RFX1: variants seen among roughly 807,000 people sequenced by gnomAD.
RFX1 encodes the protein regulatory factor X1.
A neutral mutation model predicts 119.6 loss-of-function variants in RFX1; 42 were observed. The ratio of observed to expected loss-of-function variants is 0.35; its 90% CI spans 0.27 to 0.45. The LOEUF (loss-of-function observed/expected upper bound fraction) is 0.45, where lower values mean the gene tolerates loss of function less well. Ranked by LOEUF, RFX1 falls within the 20% of genes least tolerant of loss-of-function variation. The pLI is 1.00. For missense variants in RFX1, 1,118 were observed against 1,368.1 expected, an observed-to-expected ratio of 0.82 and a Z score of 2.88; for synonymous variants, 628 against 618.5, an observed-to-expected ratio of 1.02 and a Z score of -0.23.
Position 13,966,421 on chromosome 19 carries a change from A to G in RFX1, c.1961T>C (p.Val654Ala). ...CCCACAGTCGCCGGGCAGTACTCAC[A>G]CAGCCAGCGGTGGCGCCTCACTGGG... Reference protein sequence around the residue: ...SQPSEAPPLAVHDEAEKRLPK... With the variant: ...SQPSEAPPLAAHDEAEKRLPK... Residue 654 changes from valine (V) to alanine (A), a missense_variant and splice_region_variant, in exon 14 of 21, where the codon GTA becomes GCA. Val to Ala is a moderately conservative substitution (Grantham distance 64). Coordinates refer to ENST00000254325, the MANE Select transcript of RFX1 (RefSeq NM_002918.5). The surrounding 1 kb of genome is among the most constrained non-coding windows in gnomAD (Gnocchi z 6.3). The G allele has an allele frequency of 6.3e-7, 1 of 1,599,062 alleles. No individual in the cohort carries two copies.
rs10423914 is a variant in RFX1 at position 13,971,942 on chromosome 19, G to T, written c.1314+801C>A. On this transcript the variant is annotated intron_variant, in intron 9 of 20. Coordinates refer to ENST00000254325, the MANE Select transcript of RFX1 (RefSeq NM_002918.5). ...AATCACTTGAACCCGGGAGGCGGAG[G>T]TCGCAGTGAGCCGAGATCATGCCAC... Among the ~76,000 whole-genome samples the T allele has an allele frequency of 2.7e-3, 414 of 152,218 alleles. 2 individuals carry two copies. The highest frequency in any genetic ancestry group is 9.3e-3 in the African/African-American group (388 of 41,538).
chr19:13,983,272 T>C lies in RFX1; in HGVS notation c.430-2A>G. On this transcript the variant is annotated splice_acceptor_variant, in intron 3 of 20. Coordinates refer to ENST00000254325, the MANE Select transcript of RFX1 (RefSeq NM_002918.5). LOFTEE classifies it high-confidence loss of function. Reference sequence around the variant, plus strand: ...CACGCTCGTCTGGACCAGCAGCCGCTGTGGAGACAAGGCAGGAGGAGCTGA... The same window carrying C: ...CACGCTCGTCTGGACCAGCAGCCGCCGTGGAGACAAGGCAGGAGGAGCTGA... The C allele has an allele frequency of 6.4e-7, 1 of 1,552,050 alleles. No individual in the cohort carries two copies. Among genetic ancestry groups the C allele is most frequent in the Non-Finnish European group, 8.7e-7 (1 of 1,153,436 alleles).
chr19:13,962,732 G>C lies in RFX1; in HGVS notation c.2903C>G (p.Ala968Gly), dbSNP rs1024720869. 2 of 1,530,420 alleles carry C rather than the reference G, an allele frequency of 1.3e-6. No individual in the cohort carries two copies. Among genetic ancestry groups the C allele is most frequent in the African/African-American group, 1.4e-5 (1 of 72,714 alleles). The allele number at this position is 1,530,420 out of a possible 1,614,324, so 94.8% of individuals were successfully genotyped here. A position where few individuals can be genotyped will look rare whatever the true frequency, so the allele number is the denominator to read the frequency against. ...EPPAKLARTD[A>G]RGLFVQALPS... is the part of the protein sequence containing the mutation. ...CAGCGCCTGCACGAAGAGGCCGCGC[G>C]CGTCAGTCCGCGCCAGCTTGGCCGG... The change falls in exon 21 of 21, where the codon GCG becomes GGG. Residue 968 changes from alanine to glycine, a missense_variant. Physicochemically the swap from Ala to Gly is moderately conservative, Grantham distance 60. Around this residue, in one of 5 missense-constraint regions of RFX1, gnomAD observed 138 missense variants for 117.8 expected, o/e 1.17. Coordinates refer to ENST00000254325, the MANE Select transcript of RFX1 (RefSeq NM_002918.5).
intron 18 of RFX1, 85 bp downstream of exon 18, chr19:13,963,453 G>A: frequency 8.9e-6 from 13 of 1,458,252 alleles, no homozygotes; most frequent in Non-Finnish European, 1.2e-5. Context: ...TGCAGGCTCG[G>A]GTCGTCGTAG....
In RFX1 at chr19:13,970,011, G is replaced by T. The variant is rs1170431593; in HGVS notation, c.1479C>A (p.Thr493=). 3 of 1,611,990 alleles carry T rather than the reference G, an allele frequency of 1.9e-6. No homozygotes were observed. Among genetic ancestry groups the T allele is most frequent in the Non-Finnish European group, 2.5e-6 (3 of 1,178,850 alleles). The part of the protein sequence containing the change: ...LIRSVFMGLR[T]RRLGTRGNSK... Reference sequence around the variant, plus strand: ...GGCCCTACCTGGTGCCCAGACGGCGGGTTCGCAGGCCCATGAAGACGGAGC... The same window carrying T: ...GGCCCTACCTGGTGCCCAGACGGCGTGTTCGCAGGCCCATGAAGACGGAGC... Residue 493 remains threonine, a synonymous_variant, in exon 10 of 21, where the codon ACC becomes ACA. Coordinates refer to ENST00000254325, the MANE Select transcript of RFX1 (RefSeq NM_002918.5).
At chr19:13,977,589 G>A (rs768344670) in intron 8 of RFX1, among the ~76,000 whole-genome samples, 1 of 151,924 alleles carries the variant, frequency 6.6e-6, no homozygotes, top group Non-Finnish European at 1.5e-5. Context: ...GCTAACTTTT[G>A]TATTTTTAGT....
Position 13,961,715 on chromosome 19 carries a change from T to G in RFX1, c.*980A>C, listed in dbSNP as rs1474833499. 6.6e-6 allele frequency: 1 copy of G among 152,358 alleles called. No individual in the cohort carries two copies. The highest frequency in any genetic ancestry group is 1.5e-5 in the Non-Finnish European group (1 of 68,080). The allele number at this position is 152,358 out of a possible 1,614,324, so 9.4% of individuals were successfully genotyped here. A position where few individuals can be genotyped will look rare whatever the true frequency, so the allele number is the denominator to read the frequency against. On this transcript the variant is annotated 3_prime_UTR_variant, in exon 21 of 21. Transcript: ENST00000254325. ...CACGCGGAGCACACAAAATAGTGATTTTTATACAATAGGTCAGATTTCCAT... is the reference window on the plus strand; with the variant it reads ...CACGCGGAGCACACAAAATAGTGATGTTTATACAATAGGTCAGATTTCCAT...
At position 13,962,777 on chromosome 19, in the gene RFX1, C is replaced by T. The variant is rs752517709; in HGVS notation, c.2858G>A (p.Gly953Asp). 1.2e-4 allele frequency: 177 copies of T among 1,530,292 alleles called. No homozygotes were observed. The highest frequency in any genetic ancestry group is 1.5e-4 in the Non-Finnish European group (170 of 1,143,526). The allele number at this position is 1,530,292 out of a possible 1,614,324, so 94.8% of individuals were successfully genotyped here. A position where few individuals can be genotyped will look rare whatever the true frequency, so the allele number is the denominator to read the frequency against. Reference sequence around the variant, plus strand: ...GGCCGGCGGCTCCAGGGTCTCCGGGCCCAGCGCGGGTGACTCGCCGCCAGC... The same window carrying T: ...GGCCGGCGGCTCCAGGGTCTCCGGGTCCAGCGCGGGTGACTCGCCGCCAGC... ...LAAGGESPALGPETLEPPAKL... is the reference protein window; with the variant it reads ...LAAGGESPALDPETLEPPAKL... The change falls in exon 21 of 21, where the codon GGC becomes GAC. Residue 953 changes from glycine to aspartate, a missense_variant. Physicochemically the swap from Gly to Asp is moderately conservative, Grantham distance 94. Around this residue, in one of 5 missense-constraint regions of RFX1, gnomAD observed 138 missense variants for 117.8 expected, o/e 1.17. Coordinates refer to ENST00000254325, the MANE Select transcript of RFX1 (RefSeq NM_002918.5).
chr19:14,005,143 G>C (rs532257862), intron 1 of RFX1, among the ~76,000 whole-genome samples: 1 of 152,298 alleles, frequency 6.6e-6, no homozygotes, highest in East Asian at 1.9e-4. Context: ...TCCATCTCCA[G>C]GAACAAACCC....
chr19:14,004,370 T>C (rs1343344494), intron 1 of RFX1, among the ~76,000 whole-genome samples: 3 of 152,132 alleles, frequency 2.0e-5, no homozygotes, highest in Non-Finnish European at 4.4e-5. Flanking sequence ...CAGCCGGGCA[T>C]GATGGCGAGC....
At chr19:13,964,760 C>A (rs915640050) in intron 16 of RFX1, among the ~76,000 whole-genome samples, 11 of 152,218 alleles carry the variant, frequency 7.2e-5, no homozygotes, top group African/African-American at 2.7e-4. Flanking sequence ...GGATTACAGG[C>A]ATGAGCCACT....
chr19:13,963,157 C>T lies in RFX1; in HGVS notation c.2689G>A (p.Ala897Thr). ...ACGGCGATGGGGGTCTCGCCCTTGG[C>T]CTGGGCTACGCGGTGCTCGATCAGG... ...YYLIEHRVAQ[A>T]KGETPIAVMG... The change falls in exon 19 of 21, where the codon GCC becomes ACC. Residue 897 changes from alanine to threonine, a missense_variant. Ala to Thr is a moderately conservative substitution (Grantham distance 58). This residue lies in a region of RFX1 where 138 missense variants were observed against 117.8 expected (regional missense o/e 1.17). Transcript: ENST00000254325. The T allele has an allele frequency of 5.0e-6, 8 of 1,612,468 alleles. No individual in the cohort carries two copies. The highest frequency in any genetic ancestry group is 6.8e-6 in the Non-Finnish European group (8 of 1,179,322).
intron 2 of RFX1, among the ~76,000 whole-genome samples, chr19:13,984,037 C>A (rs1974520133): frequency 6.6e-6 from 1 of 152,126 alleles, no homozygotes; most frequent in African/African-American, 2.4e-5. Context: ...GGAGTGGAAG[C>A]TGCTCGGAGG....
Position 13,962,071 on chromosome 19 carries a change from C to G in RFX1, c.*624G>C, listed in dbSNP as rs1240190772. ...TGGAGGCCGTGCCCCCTGCCGCCCT[C>G]CTCACAGCCGGGCCGGGCAGTGCCC... On this transcript the variant is annotated 3_prime_UTR_variant, in exon 21 of 21. Transcript: ENST00000254325. The G allele has an allele frequency of 1.3e-5, 2 of 152,342 alleles. No individual in the cohort carries two copies. Among genetic ancestry groups the G allele is most frequent in the Non-Finnish European group, 2.9e-5 (2 of 68,126 alleles). 9.4% of individuals were successfully genotyped at this position (152,342 alleles called of 1,614,324 possible).
chr19:13,961,750 C>A lies in RFX1; in HGVS notation c.*945G>T, dbSNP rs1394509916. The A allele has an allele frequency of 6.6e-6, 1 of 151,864 alleles. No homozygotes were observed. Among genetic ancestry groups the A allele is most frequent in the Non-Finnish European group, 1.5e-5 (1 of 67,914 alleles). The allele number at this position is 151,864 out of a possible 1,614,324, so 9.4% of individuals were successfully genotyped here. ...TAGGTCAGATTTCCATTTTTTTTTC[C>A]TTTTTCTTGCCATAAACATCTATCT... On this transcript the variant is annotated 3_prime_UTR_variant, in exon 21 of 21. Coordinates refer to ENST00000254325, the MANE Select transcript of RFX1 (RefSeq NM_002918.5).
In RFX1 at chr19:13,963,566, G is replaced by C. The variant is rs1973791035; in HGVS notation, c.2542C>G (p.Leu848Val). The C allele has an allele frequency of 1.2e-6, 2 of 1,604,844 alleles. No homozygotes were observed. Among genetic ancestry groups the C allele is most frequent in the Non-Finnish European group, 1.7e-6 (2 of 1,179,356 alleles). ...TAGAAGGACCACTTGAGGAGGAAGA[G>C]CTTGGCGGCCTTGGGGAAGCCGGCG... ...GSAGFPKAAK[L>V]FLLKWSFYSS... Residue 848 changes from leucine (L) to valine (V), a missense_variant, in exon 18 of 21, where the codon CTC becomes GTC. This residue lies in a region of RFX1 where 32 missense variants were observed against 71.5 expected (regional missense o/e 0.45). Transcript: ENST00000254325.
In RFX1 at chr19:13,968,523, G is replaced by A; in HGVS notation, c.1732+42C>T. The stretch of plus-strand genomic sequence containing the variant: ...CTTTGGGAACCGTCTGCACGGGGCA[G>A]GGAGGCGGTGGTTGGGGAAGCACGG... On this transcript the variant is annotated intron_variant, in intron 12 of 20. Coordinates refer to ENST00000254325, the MANE Select transcript of RFX1 (RefSeq NM_002918.5). This position sits in a 1 kb window ranked among gnomAD's most constrained non-coding sequence, Gnocchi z 5.5. 6.7e-7 allele frequency: 1 copy of A among 1,498,024 alleles called. No individual in the cohort carries two copies. The highest frequency in any genetic ancestry group is 9.3e-7 in the Non-Finnish European group (1 of 1,075,262). 92.8% of individuals were successfully genotyped at this position (1,498,024 alleles called of 1,614,324 possible). A position where few individuals can be genotyped will look rare whatever the true frequency, so the allele number is the denominator to read the frequency against.
rs1412813986 is a variant in RFX1, at chr19:13,965,112, A to G, written c.2211+337T>C. On this transcript the variant is annotated intron_variant, in intron 16 of 20. Coordinates refer to ENST00000254325, the MANE Select transcript of RFX1 (RefSeq NM_002918.5). The surrounding 1 kb of genome is among the most constrained non-coding windows in gnomAD (Gnocchi z 4.7). ...CTTATAGATGTTGTTGCCTTTCTTA[A>G]AAAGTTTTATCTGTTTCTGCACACC... is the stretch of plus-strand genomic sequence containing the variant. Among the ~76,000 whole-genome samples the G allele has an allele frequency of 6.6e-6, 1 of 152,210 alleles. No individual in the cohort carries two copies. The highest frequency in any genetic ancestry group is 1.5e-5 in the Non-Finnish European group (1 of 68,036).
chr19:13,975,644 C>T (rs1226592604), intron 8 of RFX1, among the ~76,000 whole-genome samples: 1 of 152,220 alleles, frequency 6.6e-6, no homozygotes, highest in African/African-American at 2.4e-5. Flanking sequence ...TTCTCCAAGG[C>T]GGGGGCCACA....
Sources: allele counts gnomAD v4.1 joint callset (sites outside exome capture counted in the v4.1 genomes callset), GRCh38; gene constraint gnomAD v4.1.1; regional missense constraint gnomAD v4.1.1; non-coding constraint Gnocchi (gnomAD v3.1); transcripts MANE v1.5; gene names NCBI Gene and HGNC (gene_info 2026-07-23, HGNC 2026-07-21).